SLC9A9: variants seen among roughly 807,000 people sequenced by gnomAD.
SLC9A9 encodes solute carrier family 9 member A9.
SLC9A9 carries 62 observed loss-of-function variants against 77.8 expected under a neutral mutation model. The observed-to-expected ratio is 0.80, with a 90% confidence interval of 0.65 to 0.98. The LOEUF (loss-of-function observed/expected upper bound fraction) is 0.98, where lower values mean the gene tolerates loss of function less well. SLC9A9 is among the 50% of genes least tolerant of loss of function. The probability of loss-of-function intolerance (pLI) is 0.00; values close to 1 mark genes in which losing one functional copy is unlikely to be tolerated. For synonymous variants in SLC9A9, 320 were observed against 283.5 expected (o/e 1.13, Z -1.29); for missense variants, 775 against 774.9 (o/e 1.00, Z 0.00).
At chr3:143,818,327 AAC>A (rs968975108) in intron 2 of SLC9A9, among the ~76,000 whole-genome samples, 3 of 152,026 alleles carry the variant, frequency 2.0e-5, no homozygotes, top group Admixed American at 6.6e-5. Context: ...TATTTTTTGA[AAC>A]AGAGTCTTGC....
intron 14 of SLC9A9, among the ~76,000 whole-genome samples, chr3:143,357,010 G>T (rs968324688): frequency 6.6e-6 from 1 of 152,168 alleles, no homozygotes; most frequent in Non-Finnish European, 1.5e-5. Context: ...TGCAAGCTGG[G>T]CTCCTCCCTA....
chr3:143,687,272 A>T (rs991658541), intron 5 of SLC9A9, among the ~76,000 whole-genome samples: 1 of 152,176 alleles, frequency 6.6e-6, no homozygotes, highest in Non-Finnish European at 1.5e-5. Flanking sequence ...ATGGGAAATA[A>T]TTAATTTTTA....
intron 4 of SLC9A9, among the ~76,000 whole-genome samples, chr3:143,740,673 T>G (rs1053640007): frequency 3.3e-5 from 5 of 152,174 alleles, no homozygotes; most frequent in African/African-American, 1.2e-4. Context: ...CAGGAAAGAA[T>G]GCAGACTGAC....
At chr3:143,840,343 T>TTATGG (rs141236621) in intron 1 of SLC9A9, among the ~76,000 whole-genome samples, 1 of 4,698 alleles carries the variant, frequency 2.1e-4, no homozygotes, top group Non-Finnish European at 3.2e-3. Context: ...CCCAGAAGCA[T>TTATGG]AGTTAATGGT....
At chr3:143,731,694 A>T (rs761342154) in intron 4 of SLC9A9, among the ~76,000 whole-genome samples, 1 of 152,228 alleles carries the variant, frequency 6.6e-6, no homozygotes, top group Non-Finnish European at 1.5e-5. Context: ...CTGACCCAGG[A>T]TATGTCCTGA....
intron 4 of SLC9A9, among the ~76,000 whole-genome samples, chr3:143,763,560 T>C (rs1256095955): frequency 6.6e-6 from 1 of 152,172 alleles, no homozygotes; most frequent in Non-Finnish European, 1.5e-5. Context: ...CTGGTATCAA[T>C]TCAGCCTCCT....
chr3:143,701,613 G>A (rs1162298509), intron 4 of SLC9A9, among the ~76,000 whole-genome samples: 2 of 152,038 alleles, frequency 1.3e-5, no homozygotes, highest in Non-Finnish European at 2.9e-5. Flanking sequence ...TACACAGTCA[G>A]AGGAGGCAAA....
chr3:143,723,224 CT>C (rs1462453770), intron 4 of SLC9A9, among the ~76,000 whole-genome samples: 1 of 151,778 alleles, frequency 6.6e-6, no homozygotes, highest in East Asian at 1.9e-4. Flanking sequence ...ACAAAGATTG[CT>C]TTTAGAAATC....
rs1335158500 is a variant in SLC9A9, at chr3:143,730,109, G to A, written c.534-36802C>T. Among the ~76,000 whole-genome samples, 3 of 152,170 alleles carry A rather than the reference G, an allele frequency of 2.0e-5. No individual in the cohort carries two copies. The East Asian group carries it at 5.8e-4, about 29-fold the overall frequency. On this transcript the variant is annotated intron_variant, in intron 4 of 15. Transcript: ENST00000316549. ...TGAGAAATTGAAGTGCACATGTCAA[G>A]GCCAAGTGAGGTAGAAGTAAATCTG...
At chr3:143,725,022 C>G (rs895170736) in intron 4 of SLC9A9, among the ~76,000 whole-genome samples, 1 of 152,186 alleles carries the variant, frequency 6.6e-6, no homozygotes, top group Non-Finnish European at 1.5e-5. Context: ...GCTCCTGCCC[C>G]CAGCCCCCCC....
chr3:143,347,040 A>T (rs990234048), intron 14 of SLC9A9: 2 of 152,192 alleles, frequency 1.3e-5, no homozygotes, highest in Non-Finnish European at 2.9e-5. Flanking sequence ...TCTCCTCACC[A>T]TGTAAGCCTC....
At chr3:143,470,123 T>C (rs2035353008) in intron 11 of SLC9A9, among the ~76,000 whole-genome samples, 1 of 152,134 alleles carries the variant, frequency 6.6e-6, no homozygotes. Flanking sequence ...AGAGAATTTA[T>C]AGGTCATGGT....
chr3:143,730,194 T>C (rs967630844), intron 4 of SLC9A9, among the ~76,000 whole-genome samples: 1 of 152,182 alleles, frequency 6.6e-6, no homozygotes, highest in Non-Finnish European at 1.5e-5. Context: ...TGCCCACTTG[T>C]TGGGCCCCTT....
chr3:143,561,845 G>A (rs1229159401), intron 8 of SLC9A9, among the ~76,000 whole-genome samples: 1 of 152,166 alleles, frequency 6.6e-6, no homozygotes, highest in East Asian at 1.9e-4. Flanking sequence ...GATAAATACA[G>A]CAACATTTCC....
chr3:143,598,481 G>A (rs1437060384), intron 6 of SLC9A9, among the ~76,000 whole-genome samples: 5 of 152,210 alleles, frequency 3.3e-5, no homozygotes, highest in Non-Finnish European at 7.3e-5. Context: ...TGGCGCTAGT[G>A]AGCGTTCAAT....
Position 143,320,518 on chromosome 3 carries a change from C to T in SLC9A9, c.1604+42966G>A, listed in dbSNP as rs569754905. The stretch of plus-strand genomic sequence containing the variant: ...GGTGAGGCCTCAGGGAACTTTTACT[C>T]ATGGCAGAAGGTGAAGTGGGAACAG... On this transcript the variant is annotated intron_variant, in intron 14 of 15. Coordinates refer to ENST00000316549, the MANE Select transcript of SLC9A9 (RefSeq NM_173653.4). 7.6e-4 allele frequency among the ~76,000 whole-genome samples: 116 copies of T among 152,304 alleles called. 1 individual carries two copies. The highest frequency in any genetic ancestry group is 2.6e-3 in the African/African-American group (107 of 41,572).
intron 14 of SLC9A9, among the ~76,000 whole-genome samples, chr3:143,320,541 C>A (rs768812646): frequency 2.0e-5 from 3 of 152,116 alleles, no homozygotes; most frequent in Non-Finnish European, 4.4e-5. Context: ...GAAGTGGGAA[C>A]AGGCACAGCA....
At chr3:143,351,230 C>T (rs1386943592) in intron 14 of SLC9A9, among the ~76,000 whole-genome samples, 1 of 152,196 alleles carries the variant, frequency 6.6e-6, no homozygotes, top group Admixed American at 6.5e-5. Context: ...CTCTAGTCTA[C>T]TATTTATTAA....
chr3:143,407,441 GA>G (rs371477400), intron 12 of SLC9A9, among the ~76,000 whole-genome samples: 3 of 151,106 alleles, frequency 2.0e-5, no homozygotes, highest in Non-Finnish European at 3.0e-5. Context: ...ACAATTCTAA[GA>G]AAAAAAAGAG....
Sources: gnomAD v4.1 joint callset for allele counts (sites outside exome capture counted in the v4.1 genomes callset) on GRCh38, gnomAD v4.1.1 for gene constraint, MANE v1.5 for transcripts, NCBI Gene and HGNC (gene_info 2026-07-23, HGNC 2026-07-21) for gene names.